CDH13: variants seen among roughly 807,000 people sequenced by gnomAD.
CDH13 encodes the protein cadherin-13.
A neutral mutation model predicts 63.8 loss-of-function variants in CDH13; 24 were observed. The ratio of observed to expected loss-of-function variants is 0.38; its 90% CI spans 0.27 to 0.53. CDH13 has a LOEUF of 0.53. Ranked by LOEUF, CDH13 falls within the 20% of genes least tolerant of loss-of-function variation. CDH13 has a pLI of 0.85. For missense variants in CDH13, 1,049 were observed against 903.1 expected, an observed-to-expected ratio of 1.16 and a Z score of -2.07; for synonymous variants, 503 against 355.3, an observed-to-expected ratio of 1.42 and a Z score of -4.67.
At chr16:82,843,654 C>A (rs1340314579) in intron 1 of CDH13, among the ~76,000 whole-genome samples, 1 of 152,172 alleles carries the variant, frequency 6.6e-6, no homozygotes, top group African/African-American at 2.4e-5. Flanking sequence ...ACAAAAAGGA[C>A]TTTGGTTCTG....
chr16:83,716,630 C>T (rs773199837), intron 10 of CDH13, among the ~76,000 whole-genome samples: 2 of 152,026 alleles, frequency 1.3e-5, no homozygotes, highest in Admixed American at 6.6e-5. Context: ...ACTACAGGCA[C>T]GTGCCACCAC....
At chr16:82,652,177 G>C (rs925412473) in intron 1 of CDH13, among the ~76,000 whole-genome samples, 2 of 152,204 alleles carry the variant, frequency 1.3e-5, no homozygotes, top group African/African-American at 4.8e-5. Flanking sequence ...TGTAGAGTTG[G>C]ATCTCCATTT....
intron 7 of CDH13, among the ~76,000 whole-genome samples, chr16:83,529,820 T>G (rs1031964094): frequency 1.3e-5 from 2 of 152,198 alleles, no homozygotes; most frequent in African/African-American, 4.8e-5. Flanking sequence ...TATTGAACAT[T>G]TGGTCAGGTG....
At chr16:83,661,514 AAC>A (rs1173437360) in intron 8 of CDH13, among the ~76,000 whole-genome samples, 1 of 151,796 alleles carries the variant, frequency 6.6e-6, no homozygotes, top group Non-Finnish European at 1.5e-5. Flanking sequence ...TGTTCTCAGG[AAC>A]ACAGTTTAAG....
chr16:83,350,049 T>C (rs753909521), intron 6 of CDH13, among the ~76,000 whole-genome samples: 1 of 152,212 alleles, frequency 6.6e-6, no homozygotes, highest in Non-Finnish European at 1.5e-5. Context: ...CCAAGTCTGA[T>C]AATGAGACAT....
chr16:83,500,635 C>T lies in CDH13; in HGVS notation c.960+13980C>T, dbSNP rs369039514. 1.7e-4 allele frequency among the ~76,000 whole-genome samples: 23 copies of T among 137,988 alleles called. 1 individual carries two copies. The highest frequency in any genetic ancestry group is 6.1e-4 in the African/African-American group (22 of 36,174). 90.5% of individuals were successfully genotyped at this position (137,988 alleles called of 152,430 possible). A position where few individuals can be genotyped will look rare whatever the true frequency, so the allele number is the denominator to read the frequency against. On this transcript the variant is annotated intron_variant, in intron 7 of 13. Coordinates refer to ENST00000567109, the MANE Select transcript of CDH13 (RefSeq NM_001257.5). The stretch of plus-strand genomic sequence containing the variant: ...TCACCCAGGCTGGAGTGCAATGGCA[C>T]GATCTTGGCTTACCACAACCTCAGA...
intron 5 of CDH13, among the ~76,000 whole-genome samples, chr16:83,299,942 G>C (rs1388375891): frequency 6.6e-6 from 1 of 152,140 alleles, no homozygotes; most frequent in East Asian, 1.9e-4. Context: ...TTCAGATGAG[G>C]GCAAGGTCTA....
chr16:82,708,603 C>G (rs1207382965), intron 1 of CDH13, among the ~76,000 whole-genome samples: 1 of 152,162 alleles, frequency 6.6e-6, no homozygotes, highest in Non-Finnish European at 1.5e-5. Flanking sequence ...CAACTGGTAT[C>G]TTCTTACTTG....
chr16:83,422,693 C>T (rs748566185), intron 6 of CDH13, among the ~76,000 whole-genome samples: 3 of 152,196 alleles, frequency 2.0e-5, no homozygotes, highest in African/African-American at 4.8e-5. Flanking sequence ...GACTTCTCCT[C>T]TGACCTCTAA....
At chr16:82,653,545 C>T (rs1910969921) in intron 1 of CDH13, among the ~76,000 whole-genome samples, 1 of 152,064 alleles carries the variant, frequency 6.6e-6, no homozygotes, top group Non-Finnish European at 1.5e-5. Context: ...GAAGAAAAGA[C>T]ATGGAGTGGA....
intron 10 of CDH13, among the ~76,000 whole-genome samples, chr16:83,707,416 T>C (rs1381721614): frequency 6.6e-6 from 1 of 152,216 alleles, no homozygotes; most frequent in East Asian, 1.9e-4. Flanking sequence ...CCAGGCACCT[T>C]CATCTCCTGT....
rs371276659 is a variant in CDH13 at position 83,590,735 on chromosome 16, A to C, written c.961-11719A>C. On this transcript the variant is annotated intron_variant, in intron 7 of 13. Transcript: ENST00000567109. ...CATCTTGACCTGCATTGAGTCATAC[A>C]TTCATTCAGAACAATGCTAACCGAA... 6.6e-5 allele frequency among the ~76,000 whole-genome samples: 10 copies of C among 152,294 alleles called. No homozygotes were observed. In the East Asian group the frequency reaches 7.7e-4, roughly 12 times the overall value.
At chr16:82,646,989 A>G (rs1339636912) in intron 1 of CDH13, among the ~76,000 whole-genome samples, 3 of 152,140 alleles carry the variant, frequency 2.0e-5, no homozygotes, top group Admixed American at 2.0e-4. Context: ...CATCAGTGTT[A>G]TTTTAGCCAA....
chr16:83,118,849 G>T (rs1379253347), intron 3 of CDH13, among the ~76,000 whole-genome samples: 1 of 152,106 alleles, frequency 6.6e-6, no homozygotes, highest in Non-Finnish European at 1.5e-5. Context: ...CACACCTCCT[G>T]TGGGCATCTC....
chr16:83,614,127 A>G (rs932618898), intron 8 of CDH13, among the ~76,000 whole-genome samples: 2 of 152,156 alleles, frequency 1.3e-5, no homozygotes, highest in Non-Finnish European at 2.9e-5. Context: ...ATATATGAAA[A>G]TGTTTAGAGA....
rs551660798 is a variant in CDH13, at chr16:83,433,372, A to G, written c.782-53105A>G. On this transcript the variant is annotated intron_variant, in intron 6 of 13. Transcript: ENST00000567109. ...AGTTCCAATGAGTCAGCAAAAAATG[A>G]GAAACACGAAAAAGCTTTGTGACTT... Among the ~76,000 whole-genome samples the G allele has an allele frequency of 8.3e-4, 126 of 152,322 alleles. 1 individual carries two copies. The highest frequency in any genetic ancestry group is 2.9e-3 in the African/African-American group (120 of 41,572).
At chr16:83,379,095 C>T (rs983503838) in intron 6 of CDH13, among the ~76,000 whole-genome samples, 18 of 152,106 alleles carry the variant, frequency 1.2e-4, no homozygotes, top group African/African-American at 4.3e-4. Context: ...ATTAGCTTTA[C>T]CCCATGGGAA....
chr16:83,655,156 T>C (rs1365809030), intron 8 of CDH13: 1 of 152,268 alleles, frequency 6.6e-6, no homozygotes, highest in Non-Finnish European at 1.5e-5. Flanking sequence ...CAAATCTTGT[T>C]GGCAAATCTC....
intron 6 of CDH13, among the ~76,000 whole-genome samples, chr16:83,412,417 A>G (rs954377511): frequency 5.3e-5 from 8 of 152,298 alleles, no homozygotes; most frequent in Non-Finnish European, 1.0e-4. Context: ...AGCCAAGTTC[A>G]CAGCAATGCA....
Sources: gnomAD v4.1 joint callset for allele counts (sites outside exome capture counted in the v4.1 genomes callset) on GRCh38, gnomAD v4.1.1 for gene constraint, MANE v1.5 for transcripts, NCBI Gene and HGNC (gene_info 2026-07-23, HGNC 2026-07-21) for gene names.